Variants in PCDH15 observed in about 807,000 individuals in gnomAD.
The protein encoded by PCDH15 is protocadherin related 15, also known as protocadherin-15.
PCDH15 carries 129 observed loss-of-function variants against 178.5 expected under a neutral mutation model. The ratio of observed to expected loss-of-function variants is 0.72; its 90% CI spans 0.63 to 0.84. The LOEUF is 0.84. Among genes scored for constraint, PCDH15 ranks in the 40% least tolerant of loss-of-function variants. The pLI, the probability that PCDH15 is intolerant of heterozygous loss-of-function variation, is 0.00. For missense variants in PCDH15, 2,230 were observed against 2,099.9 expected, an observed-to-expected ratio of 1.06 and a Z score of -1.21; for synonymous variants, 800 against 732.0, an observed-to-expected ratio of 1.09 and a Z score of -1.50.
chr10:54,666,611 A>C (rs954740816), intron 1 of PCDH15, among the ~76,000 whole-genome samples: 2 of 152,186 alleles, frequency 1.3e-5, no homozygotes, highest in East Asian at 1.9e-4. Context: ...GACATTAAGA[A>C]ATAAAACAAT....
chr10:54,623,483 G>A (rs1020439766), intron 2 of PCDH15, among the ~76,000 whole-genome samples: 2 of 151,932 alleles, frequency 1.3e-5, no homozygotes. Context: ...TAAATAATGT[G>A]CATAGAACCA....
At chr10:54,040,052 T>C (rs1322671358) in intron 18 of PCDH15, among the ~76,000 whole-genome samples, 1 of 152,080 alleles carries the variant, frequency 6.6e-6, no homozygotes. Flanking sequence ...TATTTAGTCA[T>C]GCAAATCATG....
At chr10:54,095,452 C>T (rs1590385445) in intron 15 of PCDH15, among the ~76,000 whole-genome samples, 1 of 151,464 alleles carries the variant, frequency 6.6e-6, no homozygotes, top group Admixed American at 6.6e-5. Context: ...ATAGAATATA[C>T]ATATAACATA....
intron 2 of PCDH15, among the ~76,000 whole-genome samples, chr10:54,641,495 A>G (rs1402614092): frequency 6.6e-6 from 1 of 151,928 alleles, no homozygotes; most frequent in Non-Finnish European, 1.5e-5. Context: ...GCCCTATTCT[A>G]CCTTATTACA....
chr10:54,651,297 T>C (rs2094255284), intron 2 of PCDH15, among the ~76,000 whole-genome samples: 1 of 152,078 alleles, frequency 6.6e-6, no homozygotes, highest in African/African-American at 2.4e-5. Context: ...TGTTGAGAAA[T>C]TCTGGGAAAT....
At chr10:53,998,500 CT>C (rs2134958986) in intron 20 of PCDH15, among the ~76,000 whole-genome samples, 2 of 151,890 alleles carry the variant, frequency 1.3e-5, no homozygotes, top group African/African-American at 4.8e-5. Context: ...TCACAGAAAC[CT>C]TTTCTCCTTT....
At chr10:54,616,311 T>A (rs1370643392) in intron 2 of PCDH15, among the ~76,000 whole-genome samples, 2 of 152,084 alleles carry the variant, frequency 1.3e-5, no homozygotes, top group African/African-American at 2.4e-5. Context: ...GCTACTGTCC[T>A]TAGATTTTCT....
intron 29 of PCDH15, among the ~76,000 whole-genome samples, chr10:53,836,373 G>A (rs2077307609): frequency 6.6e-6 from 1 of 152,134 alleles, no homozygotes; most frequent in Non-Finnish European, 1.5e-5. Context: ...CCTTATAAGA[G>A]TGGAACCCAG....
chr10:54,934,288 A>G (rs1299925849), intron 2 of PCDH15, among the ~76,000 whole-genome samples: 2 of 152,164 alleles, frequency 1.3e-5, no homozygotes, highest in African/African-American at 2.4e-5. Context: ...TTTAAAACAC[A>G]TGACATGAGA....
chr10:54,290,318 T>TA (rs2059315342), intron 8 of PCDH15, among the ~76,000 whole-genome samples: 1 of 152,124 alleles, frequency 6.6e-6, no homozygotes, highest in South Asian at 2.1e-4. Flanking sequence ...GAAGGGGAAA[T>TA]AAAATCCTTT....
chr10:54,780,547 A>G (rs1463256806), intron 1 of PCDH15, among the ~76,000 whole-genome samples: 1 of 152,078 alleles, frequency 6.6e-6, no homozygotes, highest in Non-Finnish European at 1.5e-5. Flanking sequence ...TTCACAATCA[A>G]CATAATCTGA....
intron 2 of PCDH15, among the ~76,000 whole-genome samples, chr10:55,562,276 T>G (rs931549389): frequency 6.6e-6 from 1 of 152,010 alleles, no homozygotes; most frequent in African/African-American, 2.4e-5. Context: ...ACACTGTTCA[T>G]CAGTGAAATT....
chr10:55,190,529 C>G (rs1839920278), intron 1 of PCDH15, among the ~76,000 whole-genome samples: 1 of 151,486 alleles, frequency 6.6e-6, no homozygotes. Flanking sequence ...TATTTAAAAC[C>G]CTTACATACC....
intron 1 of PCDH15, among the ~76,000 whole-genome samples, chr10:55,317,433 T>G (rs1408814050): frequency 6.6e-6 from 1 of 152,130 alleles, no homozygotes; most frequent in East Asian, 1.9e-4. Context: ...CTTACCCTTT[T>G]AATGATTTTA....
At chr10:54,518,157 AAAGC>A (rs1320472668) in intron 3 of PCDH15, among the ~76,000 whole-genome samples, 1 of 152,106 alleles carries the variant, frequency 6.6e-6, no homozygotes, top group Non-Finnish European at 1.5e-5. Context: ...AAGAACTAGA[AAAGC>A]AAGAGCAAAC....
At chr10:54,947,914 T>C (rs925696048) in intron 2 of PCDH15, among the ~76,000 whole-genome samples, 1 of 151,948 alleles carries the variant, frequency 6.6e-6, no homozygotes, top group African/African-American at 2.4e-5. Context: ...AGAATGAACA[T>C]GAGAAATTCC....
chr10:55,068,869 T>C (rs1841639626), intron 2 of PCDH15, among the ~76,000 whole-genome samples: 1 of 151,836 alleles, frequency 6.6e-6, no homozygotes, highest in South Asian at 2.1e-4. Flanking sequence ...GTAGCTATTG[T>C]AAATGGAATT....
intron 18 of PCDH15, among the ~76,000 whole-genome samples, chr10:54,037,376 A>G (rs1387345138): frequency 1.3e-5 from 2 of 152,058 alleles, no homozygotes; most frequent in Non-Finnish European, 2.9e-5. Flanking sequence ...AGAAACTGAC[A>G]CAGCCATCCC....
Position 55,065,853 on chromosome 10 carries a change from C to T in PCDH15, c.-80+100723G>A, listed in dbSNP as rs140995740. Among the ~76,000 whole-genome samples, 691 of 152,042 alleles carry T rather than the reference C, an allele frequency of 4.5e-3. 2 individuals are homozygous for T. The highest frequency in any genetic ancestry group is 0.017 in the Middle Eastern group (5 of 294). ...AAGTTCTCTAGACAATGCTCAGATA[C>T]GTGCTATTTCATACCGACTAAGAAT... On this transcript the variant is annotated intron_variant, in intron 2 of 5. Transcript: ENST00000458638.
Sources: allele counts gnomAD v4.1 joint callset (sites outside exome capture counted in the v4.1 genomes callset), GRCh38; gene constraint gnomAD v4.1.1; transcripts MANE v1.5; gene names NCBI Gene and HGNC (gene_info 2026-07-23, HGNC 2026-07-21).